The following TAFA1 variants were observed in gnomAD, a reference collection of about 807,000 sequenced individuals.
The protein encoded by TAFA1 is chemokine-like protein TAFA-1.
A neutral mutation model predicts 18.5 loss-of-function variants in TAFA1; 4 were observed. That is an observed-to-expected ratio of 0.22 (90% CI 0.11 to 0.49). The LOEUF (loss-of-function observed/expected upper bound fraction) is 0.49, where lower values mean the gene tolerates loss of function less well. Ranked by LOEUF, TAFA1 falls within the 20% of genes least tolerant of loss-of-function variation. The pLI is 0.98. For missense variants in TAFA1, 147 were observed against 169.0 expected (o/e 0.87, Z 0.72); for synonymous variants, 56 against 55.2 (o/e 1.01, Z -0.06).
chr3:68,124,680 C>T (rs1337569171), intron 2 of TAFA1, among the ~76,000 whole-genome samples: 1 of 152,120 alleles, frequency 6.6e-6, no homozygotes, highest in South Asian at 2.1e-4. Context: ...CTCTTTAGTG[C>T]CCATGTTGCA....
At chr3:68,110,288 C>G (rs773756538) in intron 2 of TAFA1, among the ~76,000 whole-genome samples, 2 of 152,138 alleles carry the variant, frequency 1.3e-5, no homozygotes, top group African/African-American at 4.8e-5. Flanking sequence ...CCTTCCATGT[C>G]TCTGCAAAGA....
chr3:68,039,643 T>C (rs569758168), intron 2 of TAFA1, among the ~76,000 whole-genome samples: 75 of 151,976 alleles, frequency 4.9e-4, no homozygotes, highest in African/African-American at 1.8e-3. Flanking sequence ...CCATGAAGAG[T>C]CGCATTACCC....
At chr3:68,202,867 T>A (rs1274605523) in intron 2 of TAFA1, among the ~76,000 whole-genome samples, 2 of 151,812 alleles carry the variant, frequency 1.3e-5, no homozygotes, top group African/African-American at 2.4e-5. Flanking sequence ...AAAACAAAAA[T>A]TTTTATTTTA....
intron 2 of TAFA1, among the ~76,000 whole-genome samples, chr3:68,071,727 G>T (rs770497459): frequency 6.6e-6 from 1 of 152,146 alleles, no homozygotes; most frequent in Non-Finnish European, 1.5e-5. Flanking sequence ...TTGGCTCATG[G>T]TTCTGCAGAC....
At chr3:68,359,964 G>T (rs576783204) in intron 2 of TAFA1, among the ~76,000 whole-genome samples, 1 of 152,070 alleles carries the variant, frequency 6.6e-6, no homozygotes, top group South Asian at 2.1e-4. Context: ...TCCCTTATAA[G>T]ATATTATATG....
chr3:68,050,941 T>G (rs1273610652), intron 2 of TAFA1, among the ~76,000 whole-genome samples: 1 of 152,194 alleles, frequency 6.6e-6, no homozygotes, highest in South Asian at 2.1e-4. Flanking sequence ...AGCCAAAGTA[T>G]CTTTTCCTAC....
intron 2 of TAFA1, among the ~76,000 whole-genome samples, chr3:68,196,328 G>C (rs1040894340): frequency 6.6e-6 from 1 of 151,674 alleles, no homozygotes; most frequent in Admixed American, 6.6e-5. Flanking sequence ...ATTTTCTAAC[G>C]GTCTCAGATT....
chr3:68,098,505 A>G (rs1030389520), intron 2 of TAFA1, among the ~76,000 whole-genome samples: 2 of 152,088 alleles, frequency 1.3e-5, no homozygotes, highest in African/African-American at 2.4e-5. Flanking sequence ...TTTTTGATTC[A>G]TCTATTCACC....
chr3:68,118,437 A>C (rs1420132303), intron 2 of TAFA1, among the ~76,000 whole-genome samples: 1 of 152,130 alleles, frequency 6.6e-6, no homozygotes, highest in Non-Finnish European at 1.5e-5. Flanking sequence ...CTCCTGCTGT[A>C]TGGCCCGGTT....
At chr3:68,115,868 T>C (rs2065318862) in intron 2 of TAFA1, among the ~76,000 whole-genome samples, 1 of 152,212 alleles carries the variant, frequency 6.6e-6, no homozygotes, top group African/African-American at 2.4e-5. Flanking sequence ...GTGTAACACA[T>C]GTCCTGTTGT....
At chr3:68,050,112 A>T (rs2064448948) in intron 2 of TAFA1, among the ~76,000 whole-genome samples, 1 of 152,138 alleles carries the variant, frequency 6.6e-6, no homozygotes, top group African/African-American at 2.4e-5. Context: ...TCCCTCAGAA[A>T]CAGACTCTGA....
chr3:68,174,814 A>C (rs1461744921), intron 2 of TAFA1, among the ~76,000 whole-genome samples: 1 of 152,220 alleles, frequency 6.6e-6, no homozygotes, highest in Non-Finnish European at 1.5e-5. Flanking sequence ...AAGGAACCCA[A>C]TGTTATTGCC....
At chr3:68,532,823 A>T (rs1159079170) in intron 3 of TAFA1, among the ~76,000 whole-genome samples, 1 of 151,784 alleles carries the variant, frequency 6.6e-6, no homozygotes, top group East Asian at 1.9e-4. Context: ...TTTAAATTGC[A>T]GAAATAAAAT....
At chr3:68,117,869 C>A (rs1426501851) in intron 2 of TAFA1, among the ~76,000 whole-genome samples, 1 of 152,066 alleles carries the variant, frequency 6.6e-6, no homozygotes, top group African/African-American at 2.4e-5. Context: ...ATACAATTTA[C>A]TACCATAACC....
chr3:68,400,803 A>G (rs2070471736), intron 2 of TAFA1, among the ~76,000 whole-genome samples: 1 of 152,204 alleles, frequency 6.6e-6, no homozygotes, highest in Admixed American at 6.5e-5. Context: ...AAGAAAACAG[A>G]CAAGAGAAGT....
At chr3:68,385,286 A>G (rs1402368066) in intron 2 of TAFA1, among the ~76,000 whole-genome samples, 2 of 152,224 alleles carry the variant, frequency 1.3e-5, no homozygotes, top group East Asian at 3.9e-4. Flanking sequence ...TTATTTTGAA[A>G]ACTTTTCCAA....
intron 3 of TAFA1, among the ~76,000 whole-genome samples, chr3:68,426,264 C>A (rs1003890926): frequency 6.6e-6 from 1 of 151,766 alleles, no homozygotes; most frequent in Non-Finnish European, 1.5e-5. Flanking sequence ...TAAAGTAATT[C>A]TTCATTTTTT....
At chr3:68,234,687 T>C (rs2066907809) in intron 2 of TAFA1, among the ~76,000 whole-genome samples, 1 of 152,106 alleles carries the variant, frequency 6.6e-6, no homozygotes, top group Non-Finnish European at 1.5e-5. Flanking sequence ...ACTACCCACA[T>C]TTTCACTCAT....
At position 68,047,153 on chromosome 3, in the gene TAFA1, GCACCGA is replaced by G. The variant is rs374756430; in HGVS notation, c.118+40412_118+40417del. Among the ~76,000 whole-genome samples, 564 of 152,232 alleles carry G rather than the reference GCACCGA, an allele frequency of 3.7e-3. 6 individuals are homozygous for G. The highest frequency in any genetic ancestry group is 0.013 in the African/African-American group (541 of 41,548). On this transcript the variant is annotated intron_variant, in intron 2 of 4. Transcript: ENST00000478136. The stretch of plus-strand genomic sequence containing the variant: ...ATGCTACACATATTATCTTTATAAA[GCACCGA>G]CAGTGAGAGCAGTTTTTCTTTCTTT...
Sources: allele counts gnomAD v4.1 joint callset (sites outside exome capture counted in the v4.1 genomes callset), GRCh38; gene constraint gnomAD v4.1.1; transcripts MANE v1.5; gene names NCBI Gene and HGNC (gene_info 2026-07-23, HGNC 2026-07-21).